Variants in NT5DC3 observed in about 807,000 individuals in gnomAD.
The protein encoded by NT5DC3 is 5'-nucleotidase domain containing 3.
NT5DC3 carries 42 observed loss-of-function variants against 67.8 expected under a neutral mutation model. The ratio of observed to expected loss-of-function variants is 0.62; its 90% CI spans 0.48 to 0.80. The LOEUF (loss-of-function observed/expected upper bound fraction) is 0.80, where lower values mean the gene tolerates loss of function less well. Ranked by LOEUF, NT5DC3 falls within the 30% of genes least tolerant of loss-of-function variation. NT5DC3 has a pLI of 0.00. For missense variants in NT5DC3, 570 were observed against 696.4 expected, an observed-to-expected ratio of 0.82 and a Z score of 2.04; for synonymous variants, 237 against 255.6, an observed-to-expected ratio of 0.93 and a Z score of 0.69.
chr12:103,840,903 G>T, intron 1 of NT5DC3, 46 bp downstream of exon 1: 1 of 1,196,960 alleles, frequency 8.4e-7, no homozygotes, highest in Non-Finnish European at 1.1e-6. Flanking sequence ...AGCTGAGCGC[G>T]CAGGAGGGGC....
At position 103,796,883 on chromosome 12, in the gene NT5DC3, G is replaced by A; in HGVS notation, c.753+11C>T. The A allele has an allele frequency of 6.2e-7, 1 of 1,614,076 alleles. No individual in the cohort carries two copies. The highest frequency in any genetic ancestry group is 8.5e-7 in the Non-Finnish European group (1 of 1,179,946). ...AGACTCAGCACTGTAATCTCTCACT[G>A]TGGATACAACCTTGACATCTTTGTA... On this transcript the variant is annotated intron_variant, in intron 6 of 13. Coordinates refer to ENST00000392876, the MANE Select transcript of NT5DC3 (RefSeq NM_001031701.3).
the NT5DC3 span, chr12:103,753,415 T>G: frequency 1.2e-6 from 2 of 1,609,866 alleles, no homozygotes; most frequent in Non-Finnish European, 1.7e-6. Context: ...GTGCAGCCCT[T>G]TCTTAAGATG....
chr12:103,811,207 C>A (rs1887015601), intron 2 of NT5DC3, among the ~76,000 whole-genome samples: 1 of 149,760 alleles, frequency 6.7e-6, no homozygotes, highest in East Asian at 2.0e-4. Context: ...TACACAAATA[C>A]ACACACAGAA....
the NT5DC3 span, chr12:103,749,273 G>C: frequency 1.7e-6 from 2 of 1,168,944 alleles, no homozygotes; most frequent in South Asian, 2.0e-5. Context: ...ATTTTTTCTA[G>C]CACAGTCTGT....
At chr12:103,802,683 A>G (rs181570293) in intron 4 of NT5DC3, among the ~76,000 whole-genome samples, 80 of 152,174 alleles carry the variant, frequency 5.3e-4, no homozygotes, top group African/African-American at 1.8e-3. Context: ...GACAATAGCA[A>G]TTTGGCCCCT....
the NT5DC3 span, among the ~76,000 whole-genome samples, chr12:103,758,937 C>T: frequency 6.6e-6 from 1 of 152,204 alleles, no homozygotes; most frequent in Non-Finnish European, 1.5e-5. Context: ...TTCAATCCCC[C>T]ATCCTAGCTA....
At chr12:103,781,638 C>T (rs1885556856) in intron 12 of NT5DC3, among the ~76,000 whole-genome samples, 1 of 141,638 alleles carries the variant, frequency 7.1e-6, no homozygotes, top group Non-Finnish European at 1.6e-5. Context: ...TCCTGGTGCC[C>T]AACCCCCTTT....
At chr12:103,808,678 G>A (rs1401233809) in intron 2 of NT5DC3, among the ~76,000 whole-genome samples, 2 of 152,198 alleles carry the variant, frequency 1.3e-5, no homozygotes, top group Non-Finnish European at 1.5e-5. Context: ...AGAACCCTGT[G>A]TATGGTCCTG....
chr12:103,835,658 A>G (rs958635528), intron 1 of NT5DC3, among the ~76,000 whole-genome samples: 2 of 152,176 alleles, frequency 1.3e-5, no homozygotes, highest in Admixed American at 6.5e-5. Context: ...CTATCTACTG[A>G]GCATCTGCTG....
At chr12:103,757,606 C>A in the NT5DC3 span, among the ~76,000 whole-genome samples, 1 of 152,172 alleles carries the variant, frequency 6.6e-6, no homozygotes, top group African/African-American at 2.4e-5. Context: ...GACATGTAAG[C>A]AAAGTGTAAA....
intron 1 of NT5DC3, among the ~76,000 whole-genome samples, chr12:103,840,403 C>CTCATCTCATCTCATA (rs1888346514): frequency 6.7e-6 from 1 of 149,058 alleles, no homozygotes; most frequent in African/African-American, 2.5e-5. Context: ...CTCATCTCAT[C>CTCATCTCATCTCATA]TCATCTCATC....
At chr12:103,808,395 T>A (rs1463860901) in intron 2 of NT5DC3, among the ~76,000 whole-genome samples, 1 of 152,250 alleles carries the variant, frequency 6.6e-6, no homozygotes, top group African/African-American at 2.4e-5. Flanking sequence ...CCAACTGTGA[T>A]GCAAGTTGCT....
At chr12:103,813,107 T>C (rs1225781699) in intron 2 of NT5DC3, among the ~76,000 whole-genome samples, 1 of 152,244 alleles carries the variant, frequency 6.6e-6, no homozygotes, top group African/African-American at 2.4e-5. Context: ...ACTGGGATCA[T>C]GGCTTGCTTT....
At chr12:103,746,553 T>A in the NT5DC3 span, 1 of 1,596,898 alleles carries the variant, frequency 6.3e-7, no homozygotes, top group Non-Finnish European at 8.6e-7. Context: ...GTTTTAACTC[T>A]TCACACCATG....
intron 2 of NT5DC3, among the ~76,000 whole-genome samples, chr12:103,811,967 G>A (rs1887052528): frequency 6.6e-6 from 1 of 152,032 alleles, no homozygotes; most frequent in Non-Finnish European, 1.5e-5. Flanking sequence ...GATCAATGGT[G>A]CCAACTAAAG....
rs896591538 is a variant in NT5DC3 at position 103,838,662 on chromosome 12, A to C, written c.208+2287T>G. ...ACATCTTTATTTGTAACAGCCAAAG[A>C]CTGGGAGCAACCCAAATGTCCTTTG... On this transcript the variant is annotated intron_variant, in intron 1 of 13. Coordinates refer to ENST00000392876, the MANE Select transcript of NT5DC3 (RefSeq NM_001031701.3). 2.0e-5 allele frequency among the ~76,000 whole-genome samples: 3 copies of C among 152,234 alleles called. No homozygotes were observed. The East Asian group carries it at 5.8e-4, about 29-fold the overall frequency.
chr12:103,750,518 T>C, the NT5DC3 span: 2 of 1,595,974 alleles, frequency 1.3e-6, no homozygotes, highest in East Asian at 2.2e-5. Context: ...CCATGGGCAC[T>C]TGGGCATCCT....
intron 12 of NT5DC3, among the ~76,000 whole-genome samples, chr12:103,781,115 T>C (rs2139304187): frequency 6.6e-6 from 1 of 152,304 alleles, no homozygotes; most frequent in Non-Finnish European, 1.5e-5. Flanking sequence ...AAATGGAATC[T>C]CACAAGTCCC....
intron 10 of NT5DC3, among the ~76,000 whole-genome samples, chr12:103,788,023 T>A (rs910887626): frequency 2.6e-5 from 4 of 152,246 alleles, no homozygotes; most frequent in African/African-American, 9.6e-5. Flanking sequence ...TCCATCAGAT[T>A]GTTATATACC....
Sources: allele counts gnomAD v4.1 joint callset (sites outside exome capture counted in the v4.1 genomes callset), GRCh38; gene constraint gnomAD v4.1.1; transcripts MANE v1.5; gene names NCBI Gene and HGNC (gene_info 2026-07-23, HGNC 2026-07-21).